DOT1L: variants seen among roughly 807,000 people sequenced by gnomAD.
The protein encoded by DOT1L is histone-lysine N-methyltransferase, H3 lysine-79 specific.
In DOT1L, 33 loss-of-function variants were observed where a neutral mutation model predicts 153.3. The observed-to-expected ratio is 0.22, with a 90% CI of 0.16 to 0.29. DOT1L has a LOEUF of 0.29. Among genes scored for constraint, DOT1L ranks in the 10% least tolerant of loss-of-function variants. The pLI is 1.00. For missense variants in DOT1L, 1,847 were observed against 2,119.9 expected, an observed-to-expected ratio of 0.87 and a Z score of 2.53; for synonymous variants, 1,135 against 965.1, an observed-to-expected ratio of 1.18 and a Z score of -3.26.
At chr19:2,173,678 G>A (rs538645024) in intron 1 of DOT1L, among the ~76,000 whole-genome samples, 3 of 152,328 alleles carry the variant, frequency 2.0e-5, no homozygotes, top group African/African-American at 7.2e-5. Flanking sequence ...CGGGTTCTGC[G>A]GGCTGCCCGG....
chr19:2,227,475 CG>C lies in DOT1L; in HGVS notation c.4606+349del, dbSNP rs758349764. 64 of 551,720 alleles carry C rather than the reference CG, an allele frequency of 1.2e-4. No individual in the cohort carries two copies. The East Asian group carries it at 1.3e-3, about 11-fold the overall frequency. 34.2% of individuals were successfully genotyped at this position (551,720 alleles called of 1,614,324 possible). A position where few individuals can be genotyped will look rare whatever the true frequency, so the allele number is the denominator to read the frequency against. ...TCTGGGAGCTGGTGTTGGGTAAGAG[CG>C]AGTCCCCGCAGTGCCTGCCCAGACA... On this transcript the variant is annotated intron_variant, in intron 27 of 27. Coordinates refer to ENST00000398665, the MANE Select transcript of DOT1L (RefSeq NM_032482.3).
rs1306804915 is a variant in DOT1L at position 2,214,215 on chromosome 19, C to CT, written c.1797+230dup. 2.4e-5 allele frequency: 21 copies of CT among 885,338 alleles called. No homozygotes were observed. In the African/African-American group the frequency reaches 3.5e-4, roughly 15 times the overall value. 54.8% of individuals were successfully genotyped at this position (885,338 alleles called of 1,614,324 possible). On this transcript the variant is annotated intron_variant, in intron 18 of 27. Transcript: ENST00000398665. ...GCCCTGGGTGTCATGGAGCCACACT[C>CT]TGGCAGGCTCGAGGTGTGGGGTCAT...
intron 18 of DOT1L, chr19:2,214,196 G>C (rs1273825228): frequency 2.1e-6 from 2 of 941,610 alleles, no homozygotes; most frequent in Non-Finnish European, 1.5e-6. Flanking sequence ...AGCGGCCCTG[G>C]GTGTCATGGA....
intron 2 of DOT1L, among the ~76,000 whole-genome samples, chr19:2,185,156 G>A (rs1392389743): frequency 6.6e-6 from 1 of 152,022 alleles, no homozygotes; most frequent in East Asian, 1.9e-4. Flanking sequence ...TGCCCACCTC[G>A]GCCTCCCAGA....
Position 2,226,496 on chromosome 19 carries a change from C to T in DOT1L, c.3975C>T (p.Asp1325=), listed in dbSNP as rs371150644. The T allele has an allele frequency of 6.9e-5, 111 of 1,600,674 alleles. No homozygotes were observed. Among genetic ancestry groups the T allele is most frequent in the African/African-American group, 2.7e-5 (2 of 74,924 alleles). The change falls in exon 27 of 28, where the codon GAC becomes GAT. Residue 1325 remains aspartate, a synonymous_variant. Transcript: ENST00000398665. ...GCTFGGGLAA[D]LSLHSFSDGA... ...CCTTCGGCGGGGGCCTGGCCGCGGA[C>T]CTGAGTTTACACAGCTTCAGTGATG...
intron 1 of DOT1L, among the ~76,000 whole-genome samples, chr19:2,177,214 G>A (rs1165784048): frequency 1.3e-5 from 2 of 152,240 alleles, no homozygotes; most frequent in Admixed American, 1.3e-4. Flanking sequence ...CTGGCGGGAA[G>A]GAGCTGTGCA....
In DOT1L at chr19:2,202,795, C is replaced by T. The variant is rs768527223; in HGVS notation, c.787+16C>T. On this transcript the variant is annotated intron_variant, in intron 9 of 27. Coordinates refer to ENST00000398665, the MANE Select transcript of DOT1L (RefSeq NM_032482.3). ...ATGAAGGAAGGTAAGGCGCCCTCCT[C>T]GCCGGTCTGTGCTGGTGTGACATGA... 116 of 1,613,984 alleles carry T rather than the reference C, an allele frequency of 7.2e-5. No individual in the cohort carries two copies. Among genetic ancestry groups the T allele is most frequent in the Non-Finnish European group, 9.3e-5 (110 of 1,179,950 alleles).
intron 1 of DOT1L, among the ~76,000 whole-genome samples, chr19:2,165,290 G>C (rs1324139583): frequency 6.6e-6 from 1 of 151,992 alleles, no homozygotes; most frequent in African/African-American, 2.4e-5. Context: ...TCCCGCGCGC[G>C]CTGGGCTTGT....
At position 2,204,158 on chromosome 19, in the gene DOT1L, CCTGTGTGT is replaced by C. The variant is rs1161345443; in HGVS notation, c.787+1384_787+1391del. Reference sequence around the variant, plus strand: ...CTGTGTCTCTGTGTGTGCCCGTGTGCCTGTGTGTCTGTTAGCGTGTCTCTGTGTGCGTG... The same window carrying C: ...CTGTGTCTCTGTGTGTGCCCGTGTGCCTGTTAGCGTGTCTCTGTGTGCGTG... On this transcript the variant is annotated intron_variant, in intron 9 of 27. Transcript: ENST00000398665. The surrounding 1 kb of genome is among the most constrained non-coding windows in gnomAD (Gnocchi z 5.7). Among the ~76,000 whole-genome samples the C allele has an allele frequency of 4.6e-5, 7 of 151,310 alleles. No homozygotes were observed. In the East Asian group the frequency reaches 1.2e-3, roughly 25 times the overall value.
chr19:2,180,201 G>T (rs992934535), intron 1 of DOT1L, among the ~76,000 whole-genome samples: 1 of 152,162 alleles, frequency 6.6e-6, no homozygotes, highest in Non-Finnish European at 1.5e-5. Context: ...AACAGGCCCC[G>T]TGGAGGCTCT....
At chr19:2,227,220 G>A in intron 27 of DOT1L, 93 bp downstream of exon 27, 1 of 1,495,040 alleles carries the variant, frequency 6.7e-7, no homozygotes, top group Non-Finnish European at 9.2e-7. Flanking sequence ...CTTGCAGCAG[G>A]AGCTGAGCTG....
intron 18 of DOT1L, 157 bp from the exon 19 acceptor site, chr19:2,214,314 G>A (rs2023823778): frequency 7.7e-7 from 1 of 1,298,612 alleles, no homozygotes; most frequent in Non-Finnish European, 1.0e-6. Context: ...GTCTCCGCGT[G>A]TTCCGCATCC....
rs1476418020 is a variant in DOT1L at position 2,222,950 on chromosome 19, C to T, written c.3391-331C>T. 6 of 438,274 alleles carry T rather than the reference C, an allele frequency of 1.4e-5. No homozygotes were observed. The highest frequency in any genetic ancestry group is 7.4e-5 in the South Asian group (2 of 27,092). 27.1% of individuals were successfully genotyped at this position (438,274 alleles called of 1,614,324 possible). ...GACTGAGCCCGGCCATCCTCCACCA[C>T]GTGCGGCCTGGCAGCCTGGGAAGAG... On this transcript the variant is annotated intron_variant, in intron 24 of 27. Coordinates refer to ENST00000398665, the MANE Select transcript of DOT1L (RefSeq NM_032482.3). This position sits in a 1 kb window ranked among gnomAD's most constrained non-coding sequence, Gnocchi z 6.5.
At chr19:2,226,146 C>T (rs1482546260) in intron 26 of DOT1L, 37 bp from the exon 27 acceptor site, 20 of 1,497,738 alleles carry the variant, frequency 1.3e-5, no homozygotes, top group Non-Finnish European at 1.7e-5. Context: ...CGGGCAGGTG[C>T]TCTGGGCTCA....
intron 1 of DOT1L, among the ~76,000 whole-genome samples, chr19:2,165,309 T>C (rs1468357127): frequency 6.6e-6 from 1 of 152,094 alleles, no homozygotes; most frequent in Non-Finnish European, 1.5e-5. Context: ...GTGTCAGTTT[T>C]TGGAAACGTG....
intron 27 of DOT1L, chr19:2,229,467 C>G: frequency 1.0e-6 from 1 of 985,472 alleles, no homozygotes; most frequent in Non-Finnish European, 1.2e-6. Context: ...CGGGCACCTG[C>G]GGGCTGGACA....
rs1294047138 is a variant in DOT1L at position 2,231,894 on chromosome 19, C to G, written c.*2102C>G. ...CGTATGTTCAGGACACGCACTGGGTCTCAGAGCCACTGGCCCAGGCAGAAG... is the reference window on the plus strand; with the variant it reads ...CGTATGTTCAGGACACGCACTGGGTGTCAGAGCCACTGGCCCAGGCAGAAG... On this transcript the variant is annotated 3_prime_UTR_variant, in exon 28 of 28. Transcript: ENST00000398665. 1.4e-5 allele frequency: 3 copies of G among 219,686 alleles called. No individual in the cohort carries two copies. The highest frequency in any genetic ancestry group is 2.7e-5 in the Non-Finnish European group (3 of 109,512). The allele number at this position is 219,686 out of a possible 1,614,324, so 13.6% of individuals were successfully genotyped here.
Position 2,226,882 on chromosome 19 carries a change from C to G in DOT1L, c.4361C>G (p.Ala1454Gly), listed in dbSNP as rs1303690024. ...LAPAASSAGGAASSAQTHRSF... is the reference protein window; with the variant it reads ...LAPAASSAGGGASSAQTHRSF... ...CCGGCGGCGTCCTCCGCAGGCGGCG[C>G]GGCGTCCTCCGCCCAGACGCACCGG... Residue 1454 changes from alanine to glycine, a missense_variant, in exon 27 of 28, where the codon GCG (alanine) becomes GGG (glycine). Around this residue, in one of 8 missense-constraint regions of DOT1L, gnomAD observed 934 missense variants for 825.3 expected, o/e 1.13. Coordinates refer to ENST00000398665, the MANE Select transcript of DOT1L (RefSeq NM_032482.3). 6.4e-7 allele frequency: 1 copy of G among 1,574,190 alleles called. No homozygotes were observed. The highest frequency in any genetic ancestry group is 1.8e-5 in the Admixed American group (1 of 56,508).
Position 2,211,040 on chromosome 19 carries a change from C to T in DOT1L, c.1352-59C>T. ...GCTGGGCACCTGCCCCATGCTGACG[C>T]CTCTGCCCACCGCTCTCCCGACCCG... On this transcript the variant is annotated intron_variant, in intron 14 of 27. Transcript: ENST00000398665. The T allele has an allele frequency of 2.6e-6, 4 of 1,545,822 alleles. No individual in the cohort carries two copies. In the Admixed American group the frequency reaches 7.0e-5, roughly 27 times the overall value.
Sources: gnomAD v4.1 joint callset for allele counts (sites outside exome capture counted in the v4.1 genomes callset) on GRCh38, gnomAD v4.1.1 for gene constraint, gnomAD v4.1.1 regional missense constraint, Gnocchi (gnomAD v3.1) non-coding constraint, MANE v1.5 for transcripts, NCBI Gene and HGNC (gene_info 2026-07-23, HGNC 2026-07-21) for gene names.